KYAT3: variants seen among roughly 807,000 people sequenced by gnomAD.
The protein encoded by KYAT3 is kynurenine--oxoglutarate transaminase 3.
KYAT3 carries 50 observed loss-of-function variants against 59.0 expected under a neutral mutation model. The observed-to-expected ratio is 0.85, with a 90% CI of 0.68 to 1.07. KYAT3 has a LOEUF of 1.07. Ranked by LOEUF, KYAT3 falls within the 50% of genes least tolerant of loss-of-function variation. KYAT3 has a pLI of 0.00. For synonymous variants in KYAT3, 148 were observed against 177.0 expected, an observed-to-expected ratio of 0.84 and a Z score of 1.30; for missense variants, 497 against 533.3, an observed-to-expected ratio of 0.93 and a Z score of 0.67.
intron 1 of KYAT3, 75 bp from the exon 2 acceptor site, chr1:88,988,426 G>T: frequency 2.5e-6 from 2 of 809,026 alleles, no homozygotes; most frequent in Non-Finnish European, 4.1e-6. Flanking sequence ...CTTACAGCTA[G>T]CTGATGTATC....
At chr1:88,989,785 T>C (rs1557711820) in intron 1 of KYAT3, among the ~76,000 whole-genome samples, 1 of 152,188 alleles carries the variant, frequency 6.6e-6, no homozygotes, top group Non-Finnish European at 1.5e-5. Flanking sequence ...TGTTTTCATC[T>C]TGAAATCTCA....
chr1:88,932,715 T>G (rs752471151), downstream of KYAT3, among the ~76,000 whole-genome samples: 3 of 152,096 alleles, frequency 2.0e-5, no homozygotes, highest in Non-Finnish European at 4.4e-5. Context: ...AGGCTGGTCT[T>G]GAACTCCTAG....
rs59048247 is a variant in KYAT3, at chr1:88,983,485, T to A, written c.99+4767A>T. On this transcript the variant is annotated intron_variant, in intron 2 of 13. Coordinates refer to ENST00000260508, the MANE Select transcript of KYAT3 (RefSeq NM_001008661.3). ...GAGGTCCCCTGGTTCCTCCACTTCC[T>A]CCTCTTCCAGCTCCAAAACCTCTTG... 18,504 of 1,613,980 alleles carry A rather than the reference T, an allele frequency of 0.011. 1,694 individuals carry two copies. The African/African-American group carries it at 0.21, about 18-fold the overall frequency.
At chr1:88,976,537 C>G (rs1245046518) in intron 2 of KYAT3, among the ~76,000 whole-genome samples, 1 of 152,108 alleles carries the variant, frequency 6.6e-6, no homozygotes, top group Non-Finnish European at 1.5e-5. Flanking sequence ...TGATAACAAG[C>G]AACTATGTTA....
chr1:88,955,573 T>C (rs924313219), intron 8 of KYAT3, among the ~76,000 whole-genome samples: 7 of 152,226 alleles, frequency 4.6e-5, no homozygotes, highest in South Asian at 2.1e-4. Context: ...ATGTTAGCAG[T>C]GACTGCAGGT....
the KYAT3 span, among the ~76,000 whole-genome samples, chr1:88,929,263 G>A: frequency 9.9e-5 from 15 of 152,160 alleles, no homozygotes; most frequent in Admixed American, 3.9e-4. Flanking sequence ...GAAACCCAAC[G>A]GACAGTGGAG....
At chr1:88,952,879 A>T (rs535302973) in intron 10 of KYAT3, among the ~76,000 whole-genome samples, 184 bp downstream of exon 10, 105 of 151,778 alleles carry the variant, frequency 6.9e-4, no homozygotes, top group African/African-American at 2.3e-3. Flanking sequence ...AATTGTGTTT[A>T]AAAAAAAACC....
At chr1:88,933,956 T>C (rs1036620239), downstream of KYAT3, among the ~76,000 whole-genome samples, 1 of 152,176 alleles carries the variant, frequency 6.6e-6, no homozygotes, top group Non-Finnish European at 1.5e-5. Context: ...ATGACCATTA[T>C]AACTGGAGGG....
intron 13 of KYAT3, among the ~76,000 whole-genome samples, chr1:88,942,688 T>G (rs750734141): frequency 2.1e-4 from 32 of 151,910 alleles, no homozygotes; most frequent in Non-Finnish European, 4.3e-4. Flanking sequence ...TCAGCCTCCC[T>G]AGTAGCTGGG....
At chr1:88,941,003 T>G (rs1675214438) in intron 13 of KYAT3, among the ~76,000 whole-genome samples, 1 of 152,258 alleles carries the variant, frequency 6.6e-6, no homozygotes, top group South Asian at 2.1e-4. Flanking sequence ...CTGGGGAATT[T>G]GTTTTCTATT....
chr1:88,970,872 A>T (rs1251872114), intron 2 of KYAT3, among the ~76,000 whole-genome samples: 1 of 152,194 alleles, frequency 6.6e-6, no homozygotes, highest in East Asian at 1.9e-4. Flanking sequence ...TAAATAGACC[A>T]TTGTTCTCAT....
At chr1:88,949,435 C>T (rs1263153643) in intron 10 of KYAT3, among the ~76,000 whole-genome samples, 158 bp from the exon 11 acceptor site, 2 of 152,142 alleles carry the variant, frequency 1.3e-5, no homozygotes, top group Non-Finnish European at 2.9e-5. Flanking sequence ...ATATTAAACT[C>T]TATAGGTTAA....
rs567030347 is a variant in KYAT3, at chr1:88,937,748, T to C, written c.1303-1503A>G. Among the ~76,000 whole-genome samples the C allele has an allele frequency of 3.9e-5, 6 of 152,294 alleles. No homozygotes were observed. In the South Asian group the frequency reaches 1.2e-3, roughly 32 times the overall value. On this transcript the variant is annotated intron_variant, in intron 13 of 13. Coordinates refer to ENST00000260508, the MANE Select transcript of KYAT3 (RefSeq NM_001008661.3). Reference sequence around the variant, plus strand: ...GTGCCACCTGATACAATGAAAAGGATAGAGTATCATCACTTCTGTGGTTTC... The same window carrying C: ...GTGCCACCTGATACAATGAAAAGGACAGAGTATCATCACTTCTGTGGTTTC...
chr1:88,986,105 C>T (rs1399139442), intron 2 of KYAT3, among the ~76,000 whole-genome samples: 9 of 151,416 alleles, frequency 5.9e-5, no homozygotes, highest in African/African-American at 9.7e-5. Context: ...TGCTTGAACC[C>T]GAGAGGCGGA....
chr1:88,964,885 C>T lies in KYAT3; in HGVS notation c.397G>A (p.Gly133Arg), dbSNP rs754575142. 1.9e-6 allele frequency: 3 copies of T among 1,609,018 alleles called. No homozygotes were observed. The highest frequency in any genetic ancestry group is 2.5e-6 in the Non-Finnish European group (3 of 1,178,138). The change falls in exon 5 of 14, where the codon GGA (glycine) becomes AGA (arginine). Residue 133 changes from glycine (G) to arginine (R), a missense_variant. Coordinates refer to ENST00000260508, the MANE Select transcript of KYAT3 (RefSeq NM_001008661.3). ...GTGTTAAAAAGAGATCCATATGCTC[C>T]TACTGTCACAAGGATTTCTTTATTT... is the stretch of plus-strand genomic sequence containing the variant. ...DSNKEILVTV[G>R]AYGSLFNTIQ...
Position 88,978,371 on chromosome 1 carries a change from C to T in KYAT3, c.100-8904G>A, listed in dbSNP as rs925093471. Among the ~76,000 whole-genome samples, 11 of 151,930 alleles carry T rather than the reference C, an allele frequency of 7.2e-5. No homozygotes were observed. The South Asian group carries it at 1.5e-3, about 20-fold the overall frequency. On this transcript the variant is annotated intron_variant, in intron 2 of 13. Coordinates refer to ENST00000260508, the MANE Select transcript of KYAT3 (RefSeq NM_001008661.3). ...GTCTTTTTTTTTTGAGACAGGGTCT[C>T]GCTCTGTCACCCAGGCTGTGGCAGT...
In KYAT3 at chr1:88,963,292, A is replaced by G. The variant is rs139319732; in HGVS notation, c.454-1147T>C. Among the ~76,000 whole-genome samples the G allele has an allele frequency of 1.1e-3, 163 of 152,258 alleles. No homozygotes were observed. In the Middle Eastern group the frequency reaches 0.031, roughly 29 times the overall value. On this transcript the variant is annotated intron_variant, in intron 5 of 13. Transcript: ENST00000260508. ...TAATACTCCCAACAGAGTGCAGAGA[A>G]AGAAGCAACAAAGGATTAACAACAT...
intron 10 of KYAT3, among the ~76,000 whole-genome samples, 174 bp downstream of exon 10, chr1:88,952,889 C>T (rs1242009974): frequency 6.6e-6 from 1 of 152,054 alleles, no homozygotes; most frequent in Non-Finnish European, 1.5e-5. Context: ...AAAAAAAAAC[C>T]CAAACCATGC....
chr1:88,992,490 G>C (rs1002783867), intron 1 of KYAT3, 95 bp downstream of exon 1: 4 of 152,786 alleles, frequency 2.6e-5, no homozygotes, highest in African/African-American at 9.6e-5. Context: ...CCGGCAAGAG[G>C]AGCCCGACCT....
Sources: allele counts gnomAD v4.1 joint callset (sites outside exome capture counted in the v4.1 genomes callset), GRCh38; gene constraint gnomAD v4.1.1; transcripts MANE v1.5; gene names NCBI Gene and HGNC (gene_info 2026-07-23, HGNC 2026-07-21).